The following FAM13A variants were observed in gnomAD, a reference collection of about 807,000 sequenced individuals.
FAM13A encodes the protein family with sequence similarity 13 member A, also known as protein FAM13A.
A neutral mutation model predicts 129.6 loss-of-function variants in FAM13A; 76 were observed. The observed-to-expected ratio is 0.59, with a 90% CI of 0.49 to 0.71. FAM13A has a LOEUF of 0.71. Ranked by LOEUF, FAM13A falls within the 30% of genes least tolerant of loss-of-function variation. The pLI is 0.00. For synonymous variants in FAM13A, 443 were observed against 449.9 expected (o/e 0.98, Z 0.20); for missense variants, 1,108 against 1,249.3 (o/e 0.89, Z 1.70).
intron 7 of FAM13A, chr4:88,822,852 T>A (rs746766291): frequency 1.2e-4 from 165 of 1,359,082 alleles, no homozygotes; most frequent in Non-Finnish European, 1.5e-4. Context: ...AGGAACCATA[T>A]GTACAACGGA....
chr4:88,837,098 G>T (rs1412826166), intron 7 of FAM13A, among the ~76,000 whole-genome samples: 2 of 151,260 alleles, frequency 1.3e-5, no homozygotes, highest in Non-Finnish European at 2.9e-5. Flanking sequence ...GGGTTTAAGT[G>T]ATTCTCCTGC....
chr4:88,730,094 T>C (rs1033400852), intron 23 of FAM13A: 4 of 152,210 alleles, frequency 2.6e-5, no homozygotes, highest in Admixed American at 2.0e-4. Context: ...ATATTTTAAA[T>C]GACAAAGTTA....
chr4:88,896,341 A>G (rs1746319954), intron 6 of FAM13A, among the ~76,000 whole-genome samples: 1 of 152,078 alleles, frequency 6.6e-6, no homozygotes, highest in Non-Finnish European at 1.5e-5. Flanking sequence ...TAGTGGGTGC[A>G]GCACACCAGC....
intron 5 of FAM13A, among the ~76,000 whole-genome samples, chr4:88,919,586 A>C (rs796149437): frequency 3.3e-5 from 5 of 152,336 alleles, no homozygotes; most frequent in African/African-American, 1.2e-4. Flanking sequence ...GCCGAATAGG[A>C]ACAGCTCCAG....
intron 9 of FAM13A, among the ~76,000 whole-genome samples, chr4:88,789,695 A>G (rs979736450): frequency 6.6e-6 from 1 of 152,204 alleles, no homozygotes; most frequent in Non-Finnish European, 1.5e-5. Context: ...GATAGATAAT[A>G]AAGAAATAAT....
At chr4:88,805,738 G>A (rs753023031) in intron 7 of FAM13A, among the ~76,000 whole-genome samples, 1 of 151,852 alleles carries the variant, frequency 6.6e-6, no homozygotes, top group Non-Finnish European at 1.5e-5. Flanking sequence ...GTACAATCAT[G>A]GTTCACTGTA....
chr4:88,927,786 A>G (rs1752442477), intron 5 of FAM13A, among the ~76,000 whole-genome samples: 1 of 151,554 alleles, frequency 6.6e-6, no homozygotes, highest in Non-Finnish European at 1.5e-5. Flanking sequence ...TGGTCTATCA[A>G]TTTTGTCTGT....
chr4:89,040,029 G>C (rs1213845725), intron 1 of FAM13A, among the ~76,000 whole-genome samples: 1 of 151,574 alleles, frequency 6.6e-6, no homozygotes, highest in African/African-American at 2.4e-5. Context: ...AAATGTATTG[G>C]ATATTAGACA....
intron 19 of FAM13A, among the ~76,000 whole-genome samples, chr4:88,743,419 C>T: frequency 6.6e-6 from 1 of 152,130 alleles, no homozygotes; most frequent in Non-Finnish European, 1.5e-5. Context: ...GTAAAATGAA[C>T]ATATTCACTT....
chr4:88,881,417 G>T (rs1175946276), intron 6 of FAM13A, among the ~76,000 whole-genome samples: 3 of 152,178 alleles, frequency 2.0e-5, no homozygotes, highest in Non-Finnish European at 4.4e-5. Context: ...CACATCCTTA[G>T]GGGAAGGGGG....
At chr4:88,896,474 TA>T (rs1579170979) in intron 6 of FAM13A, among the ~76,000 whole-genome samples, 1 of 152,170 alleles carries the variant, frequency 6.6e-6, no homozygotes, top group Admixed American at 6.5e-5. Context: ...AACTGTATAT[TA>T]AAAAAATTAT....
At chr4:88,792,063 G>A (rs762224862) in intron 8 of FAM13A, among the ~76,000 whole-genome samples, 41 of 152,032 alleles carry the variant, frequency 2.7e-4, no homozygotes, top group Non-Finnish European at 4.3e-4. Context: ...ATTCAAATTC[G>A]TATTAAATAA....
At chr4:88,752,407 C>T (rs1308268205) in intron 14 of FAM13A, among the ~76,000 whole-genome samples, 2 of 152,126 alleles carry the variant, frequency 1.3e-5, no homozygotes, top group East Asian at 1.9e-4. Context: ...GGAGGATAAG[C>T]ACATTAATTT....
At chr4:88,863,927 T>C (rs775590815) in intron 6 of FAM13A, among the ~76,000 whole-genome samples, 2 of 152,142 alleles carry the variant, frequency 1.3e-5, no homozygotes, top group Non-Finnish European at 2.9e-5. Context: ...CAAGTTCAAA[T>C]TCAAACTTTC....
At chr4:88,935,354 G>T (rs934976956) in intron 5 of FAM13A, among the ~76,000 whole-genome samples, 5 of 152,058 alleles carry the variant, frequency 3.3e-5, no homozygotes, top group African/African-American at 1.2e-4. Context: ...CTCCAAACTG[G>T]GATATACAGA....
At chr4:88,783,787 G>C (rs568552050) in intron 10 of FAM13A, among the ~76,000 whole-genome samples, 1 of 152,220 alleles carries the variant, frequency 6.6e-6, no homozygotes, top group South Asian at 2.1e-4. Flanking sequence ...TGTAAGAAGA[G>C]GGAGAGACAT....
At position 88,802,795 on chromosome 4, in the gene FAM13A, T is replaced by C. The variant is rs115683264; in HGVS notation, c.1049+2216A>G. ...CATCCTCTATCCCAGACACAGACTC[T>C]GTCCTGTTGTATACAATCCATCTCT... On this transcript the variant is annotated intron_variant, in intron 8 of 23. Transcript: ENST00000264344. Among the ~76,000 whole-genome samples the C allele has an allele frequency of 6.1e-3, 926 of 152,260 alleles. 6 individuals are homozygous for C. The highest frequency in any genetic ancestry group is 9.6e-3 in the Non-Finnish European group (653 of 68,004).
At chr4:89,023,155 A>T (rs2149114079) in intron 2 of FAM13A, among the ~76,000 whole-genome samples, 1 of 152,342 alleles carries the variant, frequency 6.6e-6, no homozygotes, top group Middle Eastern at 3.4e-3. Context: ...AGTTCTGTGG[A>T]ATATCAGGTT....
chr4:89,023,191 T>C (rs765911032), intron 2 of FAM13A, among the ~76,000 whole-genome samples: 5 of 152,236 alleles, frequency 3.3e-5, no homozygotes, highest in Non-Finnish European at 5.9e-5. Flanking sequence ...AGCTTAATCA[T>C]TTAAAGCTTT....
Sources: gnomAD v4.1 joint callset for allele counts (sites outside exome capture counted in the v4.1 genomes callset) on GRCh38, gnomAD v4.1.1 for gene constraint, MANE v1.5 for transcripts, NCBI Gene and HGNC (gene_info 2026-07-23, HGNC 2026-07-21) for gene names.